IRAG1: variants seen among roughly 807,000 people sequenced by gnomAD.
IRAG1 encodes the protein IP3R-associated cGMP kinase substrate.
In IRAG1, 62 loss-of-function variants were observed where a neutral mutation model predicts 106.2. The ratio of observed to expected loss-of-function variants is 0.58; its 90% CI spans 0.48 to 0.72. The LOEUF is 0.72. Ranked by LOEUF, IRAG1 falls within the 30% of genes least tolerant of loss-of-function variation. The pLI, the probability that IRAG1 is intolerant of heterozygous loss-of-function variation, is 0.00. For synonymous variants in IRAG1, 462 were observed against 443.9 expected, an observed-to-expected ratio of 1.04 and a Z score of -0.51; for missense variants, 1,064 against 1,140.7, an observed-to-expected ratio of 0.93 and a Z score of 0.97.
intron 18 of IRAG1, among the ~76,000 whole-genome samples, chr11:10,587,011 T>G (rs1852082891): frequency 6.6e-6 from 1 of 152,236 alleles, no homozygotes; most frequent in South Asian, 2.1e-4. Context: ...GAATCTGTAA[T>G]CATGGCTATA....
At chr11:10,634,272 G>C (rs1318814411) in intron 2 of IRAG1, among the ~76,000 whole-genome samples, 1 of 152,300 alleles carries the variant, frequency 6.6e-6, no homozygotes, top group South Asian at 2.1e-4. Context: ...CACACAATGC[G>C]ATGTTTTCAT....
At chr11:10,681,804 C>T (rs1861281102) in intron 1 of IRAG1, among the ~76,000 whole-genome samples, 1 of 152,200 alleles carries the variant, frequency 6.6e-6, no homozygotes, top group African/African-American at 2.4e-5. Context: ...TTCATTCATG[C>T]ATGCATTTGT....
chr11:10,607,608 G>A (rs1219148118), intron 11 of IRAG1, among the ~76,000 whole-genome samples: 1 of 152,040 alleles, frequency 6.6e-6, no homozygotes, highest in Non-Finnish European at 1.5e-5. Context: ...CCTGTGCTGG[G>A]GCGGGGAGGC....
intron 10 of IRAG1, among the ~76,000 whole-genome samples, chr11:10,617,910 G>T (rs11827503): frequency 1.3e-5 from 2 of 149,372 alleles, no homozygotes; most frequent in African/African-American, 5.1e-5. Context: ...TCTAGCCTCT[G>T]CTGTTTCAGG....
At chr11:10,600,807 T>C in intron 15 of IRAG1, 111 bp downstream of exon 15, 2 of 1,413,014 alleles carry the variant, frequency 1.4e-6, no homozygotes, top group Non-Finnish European at 1.9e-6. Flanking sequence ...ACAGGAGTGC[T>C]GCTCAACTGG....
At chr11:10,625,855 C>G in intron 9 of IRAG1, 111 bp downstream of exon 9, 1 of 1,148,164 alleles carries the variant, frequency 8.7e-7, no homozygotes, top group Non-Finnish European at 1.1e-6. Context: ...TCACAAGGCC[C>G]AAGTCCAGGC....
At chr11:10,611,244 C>G (rs986622974) in intron 10 of IRAG1, among the ~76,000 whole-genome samples, 1 of 152,186 alleles carries the variant, frequency 6.6e-6, no homozygotes, top group African/African-American at 2.4e-5. Context: ...TGAGATTCAA[C>G]TAGAAGTTCT....
chr11:10,680,021 C>T (rs1304027543), intron 1 of IRAG1, among the ~76,000 whole-genome samples: 1 of 152,010 alleles, frequency 6.6e-6, no homozygotes, highest in Non-Finnish European at 1.5e-5. Context: ...CACCTCTAAT[C>T]CCAACACTTT....
At chr11:10,615,901 G>A (rs1257833880) in intron 10 of IRAG1, among the ~76,000 whole-genome samples, 2 of 146,778 alleles carry the variant, frequency 1.4e-5, no homozygotes, top group African/African-American at 4.9e-5. Flanking sequence ...CTTGCACGTT[G>A]TGCACATGTA....
intron 2 of IRAG1, among the ~76,000 whole-genome samples, chr11:10,635,702 T>C (rs969088669): frequency 2.0e-5 from 3 of 152,222 alleles, no homozygotes; most frequent in East Asian, 3.8e-4. Flanking sequence ...CAATTTTTAG[T>C]GAACCCAGCT....
intron 11 of IRAG1, among the ~76,000 whole-genome samples, chr11:10,607,789 G>C (rs2134379840): frequency 6.6e-6 from 1 of 152,284 alleles, no homozygotes; most frequent in Non-Finnish European, 1.5e-5. Context: ...GGAATGATAT[G>C]AGTGCCTTCC....
intron 10 of IRAG1, among the ~76,000 whole-genome samples, chr11:10,614,521 A>G (rs946148587): frequency 6.6e-6 from 1 of 152,252 alleles, no homozygotes; most frequent in African/African-American, 2.4e-5. Flanking sequence ...TGGAGGCATC[A>G]TGCTGTCTGA....
intron 18 of IRAG1, among the ~76,000 whole-genome samples, chr11:10,591,134 A>T (rs968168856): frequency 4.6e-5 from 7 of 152,194 alleles, no homozygotes; most frequent in Non-Finnish European, 8.8e-5. Flanking sequence ...CACAATCCTG[A>T]TGATGAAGTT....
chr11:10,624,934 G>A (rs984193830), intron 9 of IRAG1, among the ~76,000 whole-genome samples: 15 of 152,150 alleles, frequency 9.9e-5, no homozygotes, highest in African/African-American at 1.9e-4. Context: ...CTAGAGATCC[G>A]GGACTGTGGC....
At chr11:10,643,529 A>G in intron 2 of IRAG1, among the ~76,000 whole-genome samples, 1 of 152,344 alleles carries the variant, frequency 6.6e-6, no homozygotes, top group African/African-American at 2.4e-5. Flanking sequence ...AAAGCACACA[A>G]TATATGTTAG....
Position 10,625,970 on chromosome 11 carries a change from C to T in IRAG1, c.1364G>A (p.Arg455Gln), listed in dbSNP as rs535408006. 1.8e-5 allele frequency: 27 copies of T among 1,475,876 alleles called. No homozygotes were observed. Among genetic ancestry groups the T allele is most frequent in the East Asian group, 4.7e-5 (2 of 42,180 alleles). 91.4% of individuals were successfully genotyped at this position (1,475,876 alleles called of 1,614,324 possible). A position where few individuals can be genotyped will look rare whatever the true frequency, so the allele number is the denominator to read the frequency against. The stretch of plus-strand genomic sequence containing the variant: ...AACTGGCCCCCAGGAACCCACCTCT[C>T]GGAGCTTGGTCAGTTTCTGCATCCG... Reference protein sequence around the residue: ...PVRMQKLTKLREEHILMRNQN... With the variant: ...PVRMQKLTKLQEEHILMRNQN... The change falls in exon 9 of 21, where the codon CGA becomes CAA. Residue 455 changes from arginine (R) to glutamine (Q), a missense_variant. Physicochemically the swap from Arg to Gln is conservative, Grantham distance 43. Coordinates refer to ENST00000423302, the MANE Select transcript of IRAG1 (RefSeq NM_130385.4).
At chr11:10,595,235 A>G (rs1437387102) in intron 15 of IRAG1, among the ~76,000 whole-genome samples, 5 of 152,172 alleles carry the variant, frequency 3.3e-5, no homozygotes, top group African/African-American at 4.8e-5. Flanking sequence ...TGTTTTTTTC[A>G]TAATCTAATC....
At position 10,609,743 on chromosome 11, in the gene IRAG1, C is replaced by T. The variant is rs1477170285; in HGVS notation, c.1556G>A (p.Arg519Lys). 2.5e-6 allele frequency: 4 copies of T among 1,613,860 alleles called. No individual in the cohort carries two copies. Among genetic ancestry groups the T allele is most frequent in the African/African-American group, 1.3e-5 (1 of 75,032 alleles). The change falls in exon 11 of 21, where the codon AGG (arginine) becomes AAG (lysine). Residue 519 changes from arginine to lysine, a missense_variant. Arg to Lys is a conservative substitution (Grantham distance 26). Coordinates refer to ENST00000423302, the MANE Select transcript of IRAG1 (RefSeq NM_130385.4). ...CTGATTTTACCTTCCAGGGAGACTC[C>T]TGTGGACCCGCAGTTTGCGCAGCAG... is the stretch of plus-strand genomic sequence containing the variant. ...DVLLRKLRVH[R>K]SLPGSAPPLT...
At position 10,573,430 on chromosome 11, in the gene IRAG1, G is replaced by A. The variant is rs1850682295; in HGVS notation, c.*2902C>T. On this transcript the variant is annotated 3_prime_UTR_variant, in exon 21 of 21. Transcript: ENST00000423302. ...GACTCTTCAGATCCACATCCTCACTGAAAATCCAGGGCCTGTTTCTCTCCA... is the reference window on the plus strand; with the variant it reads ...GACTCTTCAGATCCACATCCTCACTAAAAATCCAGGGCCTGTTTCTCTCCA... 1 of 152,250 alleles carries A rather than the reference G, an allele frequency of 6.6e-6. No individual in the cohort carries two copies. Among genetic ancestry groups the A allele is most frequent in the Admixed American group, 6.5e-5 (1 of 15,284 alleles). The allele number at this position is 152,250 out of a possible 1,614,324, so 9.4% of individuals were successfully genotyped here.
Sources: gnomAD v4.1 joint callset for allele counts (sites outside exome capture counted in the v4.1 genomes callset) on GRCh38, gnomAD v4.1.1 for gene constraint, MANE v1.5 for transcripts, NCBI Gene and HGNC (gene_info 2026-07-23, HGNC 2026-07-21) for gene names.